UNC13C: variants seen among roughly 807,000 people sequenced by gnomAD.
UNC13C encodes unc-13 homolog C.
In UNC13C, 174 loss-of-function variants were observed where a neutral mutation model predicts 245.4. That is an observed-to-expected ratio of 0.71 (90% CI 0.63 to 0.80). The LOEUF is 0.80. Ranked by LOEUF, UNC13C falls within the 30% of genes least tolerant of loss-of-function variation. The pLI, the probability that UNC13C is intolerant of heterozygous loss-of-function variation, is 0.00. For missense variants in UNC13C, 2,829 were observed against 2,602.9 expected, an observed-to-expected ratio of 1.09 and a Z score of -1.89; for synonymous variants, 992 against 895.1, an observed-to-expected ratio of 1.11 and a Z score of -1.93.
Position 54,420,138 on chromosome 15 carries a change from G to T in UNC13C, c.4933+5071G>T, listed in dbSNP as rs146746211. The stretch of plus-strand genomic sequence containing the variant: ...GGATACCTAAAAAATATAAGGTTTA[G>T]GGTTAGTGTATCAGTTACCTATTAT... On this transcript the variant is annotated intron_variant, in intron 19 of 32. Coordinates refer to ENST00000260323, the MANE Select transcript of UNC13C (RefSeq NM_001080534.3). 3.1e-3 allele frequency among the ~76,000 whole-genome samples: 478 copies of T among 152,188 alleles called. 2 individuals carry two copies. Among genetic ancestry groups the T allele is most frequent in the African/African-American group, 0.011 (465 of 41,560 alleles).
chr15:54,333,574 A>G (rs928940814), intron 15 of UNC13C, among the ~76,000 whole-genome samples, 193 bp from the exon 16 acceptor site: 2 of 152,086 alleles, frequency 1.3e-5, no homozygotes, highest in African/African-American at 4.8e-5. Flanking sequence ...CCAAGAGTAA[A>G]AATATAATAT....
intron 24 of UNC13C, among the ~76,000 whole-genome samples, chr15:54,521,339 C>G (rs947100790): frequency 6.6e-6 from 1 of 151,724 alleles, no homozygotes; most frequent in Non-Finnish European, 1.5e-5. Flanking sequence ...CTTTGTAGCT[C>G]GTAGGAAATG....
chr15:53,916,026 T>C, the UNC13C span, among the ~76,000 whole-genome samples: 1 of 152,362 alleles, frequency 6.6e-6, no homozygotes, highest in East Asian at 1.9e-4. Context: ...TCTGTTATAG[T>C]GTTAAATTTC....
chr15:54,176,494 ACCCT>A (rs2096421534), intron 4 of UNC13C, among the ~76,000 whole-genome samples: 1 of 152,102 alleles, frequency 6.6e-6, no homozygotes, highest in African/African-American at 2.4e-5. Flanking sequence ...CCCCTGTCTA[ACCCT>A]TATGATAATA....
At chr15:54,619,594 T>C (rs1900667189) in intron 30 of UNC13C, among the ~76,000 whole-genome samples, 1 of 152,166 alleles carries the variant, frequency 6.6e-6, no homozygotes, top group Non-Finnish European at 1.5e-5. Context: ...CAGTGATTAC[T>C]GGACTACAGA....
intron 8 of UNC13C, among the ~76,000 whole-genome samples, chr15:54,252,563 C>G (rs2036179953): frequency 6.6e-6 from 1 of 152,110 alleles, no homozygotes; most frequent in Admixed American, 6.5e-5. Context: ...AACTTCATAA[C>G]TTTCCATGAT....
intron 17 of UNC13C, among the ~76,000 whole-genome samples, chr15:54,344,553 T>A (rs1380998242): frequency 6.6e-6 from 1 of 152,148 alleles, no homozygotes; most frequent in East Asian, 1.9e-4. Context: ...ATCAACATTG[T>A]TATTATTTGA....
chr15:54,336,257 C>T (rs1449329091), intron 16 of UNC13C, among the ~76,000 whole-genome samples: 1 of 152,016 alleles, frequency 6.6e-6, no homozygotes, highest in South Asian at 2.1e-4. Context: ...AGCTAATTAA[C>T]GTATGCATTA....
chr15:54,597,747 A>T lies in UNC13C; in HGVS notation c.6107-24580A>T, dbSNP rs189649790. Among the ~76,000 whole-genome samples the T allele has an allele frequency of 6.6e-5, 10 of 152,324 alleles. 1 individual carries two copies. In the East Asian group the frequency reaches 1.9e-3, roughly 29 times the overall value. On this transcript the variant is annotated intron_variant, in intron 30 of 32. Transcript: ENST00000260323. ...TATCAGAGATCAGAGGAGACTACTA[A>T]CATTAATGATGATTTCAGGTGTTAA...
intron 26 of UNC13C, among the ~76,000 whole-genome samples, chr15:54,534,882 C>T (rs1477655771): frequency 2.0e-5 from 3 of 152,134 alleles, no homozygotes; most frequent in African/African-American, 4.8e-5. Flanking sequence ...TTACCCTAGA[C>T]CTGCCTCTCA....
chr15:54,540,071 C>T (rs562331489), intron 26 of UNC13C, among the ~76,000 whole-genome samples: 2 of 152,148 alleles, frequency 1.3e-5, no homozygotes, highest in East Asian at 1.9e-4. Flanking sequence ...GAATGCATAA[C>T]TTAAAAGCCA....
intron 19 of UNC13C, chr15:54,417,084 T>G (rs79587043): frequency 1.3e-4 from 50 of 399,564 alleles, no homozygotes; most frequent in African/African-American, 1.0e-3. Context: ...CTGATTTTAT[T>G]TGTTTATTTG....
chr15:54,625,749 T>C (rs550893610), intron 32 of UNC13C, among the ~76,000 whole-genome samples: 4 of 152,130 alleles, frequency 2.6e-5, no homozygotes, highest in Non-Finnish European at 4.4e-5. Context: ...AGGGTCCTAA[T>C]AGATCACATT....
intron 2 of UNC13C, among the ~76,000 whole-genome samples, chr15:54,140,572 G>A (rs145993499): frequency 6.6e-6 from 1 of 152,218 alleles, no homozygotes; most frequent in Non-Finnish European, 1.5e-5. Context: ...TCCAGAAAGA[G>A]AGGTTGTGCT....
At chr15:54,417,154 CTT>C (rs2040539807) in intron 19 of UNC13C, 2 of 353,026 alleles carry the variant, frequency 5.7e-6, no homozygotes, top group Non-Finnish European at 1.1e-5. Flanking sequence ...TTGTCTATGA[CTT>C]TTACCAACAT....
At chr15:54,408,587 A>G (rs899572953) in intron 18 of UNC13C, among the ~76,000 whole-genome samples, 2 of 152,182 alleles carry the variant, frequency 1.3e-5, no homozygotes, top group African/African-American at 4.8e-5. Context: ...TACAAAAATA[A>G]TCTTATTCAG....
intron 19 of UNC13C, among the ~76,000 whole-genome samples, chr15:54,483,845 C>G (rs1318563123): frequency 6.6e-6 from 1 of 152,146 alleles, no homozygotes; most frequent in Non-Finnish European, 1.5e-5. Flanking sequence ...CCCTACAATG[C>G]AAAATGCCAC....
At chr15:54,373,828 C>T (rs1452060318) in intron 17 of UNC13C, among the ~76,000 whole-genome samples, 1 of 152,188 alleles carries the variant, frequency 6.6e-6, no homozygotes, top group Non-Finnish European at 1.5e-5. Context: ...AAGTTCTTGT[C>T]TCACATCCAG....
chr15:54,525,721 G>A (rs1028109565), intron 25 of UNC13C, 84 bp downstream of exon 25: 13 of 1,138,192 alleles, frequency 1.1e-5, no homozygotes, highest in African/African-American at 1.5e-5. Flanking sequence ...TGTTTCCTCT[G>A]ACTGACTAAA....
Sources: gnomAD v4.1 joint callset for allele counts (sites outside exome capture counted in the v4.1 genomes callset) on GRCh38, gnomAD v4.1.1 for gene constraint, MANE v1.5 for transcripts, NCBI Gene and HGNC (gene_info 2026-07-23, HGNC 2026-07-21) for gene names.